The following GRM7 variants were observed in gnomAD, a reference collection of about 807,000 sequenced individuals.
GRM7 encodes metabotropic glutamate receptor 7.
A neutral mutation model predicts 84.5 loss-of-function variants in GRM7; 35 were observed. That is an observed-to-expected ratio of 0.41 (90% CI 0.32 to 0.55). The LOEUF is 0.55. GRM7 is among the 20% of genes least tolerant of loss of function. The probability of loss-of-function intolerance (pLI) is 0.19; values close to 1 mark genes in which losing one functional copy is unlikely to be tolerated. For missense variants in GRM7, 1,003 were observed against 1,194.6 expected (o/e 0.84, Z 2.36); for synonymous variants, 487 against 455.1 (o/e 1.07, Z -0.89).
intron 5 of GRM7, among the ~76,000 whole-genome samples, chr3:7,445,065 G>A (rs1697448667): frequency 6.6e-6 from 1 of 152,020 alleles, no homozygotes; most frequent in South Asian, 2.1e-4. Context: ...AGTTGTTCTG[G>A]GCGTTAACTT....
intron 1 of GRM7, among the ~76,000 whole-genome samples, chr3:6,970,473 T>A (rs1451921654): frequency 1.3e-5 from 2 of 152,378 alleles, no homozygotes; most frequent in Admixed American, 1.3e-4. Context: ...CACCTAGTTG[T>A]TGACTTTTTA....
At chr3:6,913,651 A>G (rs1342840409) in intron 1 of GRM7, among the ~76,000 whole-genome samples, 1 of 152,180 alleles carries the variant, frequency 6.6e-6, no homozygotes, top group African/African-American at 2.4e-5. Flanking sequence ...TTTTGGTTTC[A>G]TTCTTTATTC....
chr3:7,692,909 G>A lies in GRM7; in HGVS notation c.2698+12614G>A, dbSNP rs180768987. Among the ~76,000 whole-genome samples the A allele has an allele frequency of 2.8e-3, 425 of 151,750 alleles. 7 individuals carry two copies. The highest frequency in any genetic ancestry group is 0.021 in the Middle Eastern group (6 of 290). ...GCTAAAGATTAGATAGGTCCTCCAG[G>A]GTTTCAAGGAGGGAAACATAATCTA... On this transcript the variant is annotated intron_variant, in intron 9 of 9. Coordinates refer to ENST00000357716, the MANE Select transcript of GRM7 (RefSeq NM_000844.4).
At chr3:6,967,535 A>G (rs181388165) in intron 1 of GRM7, among the ~76,000 whole-genome samples, 8 of 152,292 alleles carry the variant, frequency 5.3e-5, no homozygotes, top group Admixed American at 1.3e-4. Context: ...GTTGTTTCAC[A>G]CAATATCTTC....
chr3:7,134,106 A>G (rs943257033), intron 1 of GRM7, among the ~76,000 whole-genome samples: 1 of 152,162 alleles, frequency 6.6e-6, no homozygotes, highest in Non-Finnish European at 1.5e-5. Flanking sequence ...TGGAATGTGC[A>G]ACTTTCATTT....
chr3:7,064,479 T>TATATATATACACAC, intron 1 of GRM7, among the ~76,000 whole-genome samples: 11 of 99,384 alleles, frequency 1.1e-4, no homozygotes, highest in African/African-American at 3.5e-4. Context: ...TATATATATA[T>TATATATATACACAC]ACACACATAT....
chr3:7,329,787 G>C (rs775996996), intron 4 of GRM7, among the ~76,000 whole-genome samples: 8 of 151,746 alleles, frequency 5.3e-5, no homozygotes, highest in Non-Finnish European at 1.0e-4. Context: ...TGTGAGTGGG[G>C]GTATATATGC....
intron 1 of GRM7, among the ~76,000 whole-genome samples, chr3:6,997,763 T>C (rs2014195): frequency 0.2 from 29,901 of 152,026 alleles, 3,596 homozygotes; most frequent in East Asian, 0.3. Context: ...CATTCCAGCA[T>C]TCGTCCAAAA....
intron 2 of GRM7, among the ~76,000 whole-genome samples, chr3:7,219,936 A>G (rs1227265709): frequency 6.6e-6 from 1 of 152,208 alleles, no homozygotes; most frequent in Non-Finnish European, 1.5e-5. Context: ...AGTATGTCAA[A>G]GGGATGCAGG....
intron 4 of GRM7, among the ~76,000 whole-genome samples, chr3:7,340,720 G>A (rs1263691345): frequency 6.6e-6 from 1 of 152,108 alleles, no homozygotes; most frequent in African/African-American, 2.4e-5. Context: ...AATCACTTTT[G>A]CCACTTTATT....
chr3:7,153,550 A>G (rs1415401611), intron 2 of GRM7, among the ~76,000 whole-genome samples: 1 of 152,178 alleles, frequency 6.6e-6, no homozygotes, highest in Non-Finnish European at 1.5e-5. Context: ...TAATGTGTTA[A>G]TGATACAAGT....
At position 6,862,978 on chromosome 3, in the gene GRM7, C is replaced by G. The variant is rs767721684; in HGVS notation, c.519+1071C>G. 1 of 456,436 alleles carries G rather than the reference C, an allele frequency of 2.2e-6. No homozygotes were observed. Among genetic ancestry groups the G allele is most frequent in the South Asian group, 1.6e-5 (1 of 64,498 alleles). The allele number at this position is 456,436 out of a possible 1,614,324, so 28.3% of individuals were successfully genotyped here. On this transcript the variant is annotated intron_variant, in intron 1 of 9. Coordinates refer to ENST00000357716, the MANE Select transcript of GRM7 (RefSeq NM_000844.4). This position sits in a 1 kb window ranked among gnomAD's most constrained non-coding sequence, Gnocchi z 5.2. ...CGCCTCCTGCTCCAGCAGCCTCTGC[C>G]CCATGGCTCCTGAGCTGCACTGGGT...
chr3:7,552,855 C>T (rs1183164952), intron 7 of GRM7, among the ~76,000 whole-genome samples: 1 of 152,196 alleles, frequency 6.6e-6, no homozygotes, highest in Non-Finnish European at 1.5e-5. Flanking sequence ...AAACATTTTC[C>T]ACATTGTCTT....
intron 4 of GRM7, among the ~76,000 whole-genome samples, chr3:7,391,380 TA>T (rs1191581968): frequency 6.6e-6 from 1 of 151,980 alleles, no homozygotes; most frequent in African/African-American, 2.4e-5. Context: ...TATGCAGCCA[TA>T]AAAAAGGATG....
At position 7,065,922 on chromosome 3, in the gene GRM7, A is replaced by G. The variant is rs76870956; in HGVS notation, c.520-80530A>G. Among the ~76,000 whole-genome samples, 180 of 152,004 alleles carry G rather than the reference A, an allele frequency of 1.2e-3. 1 individual carries two copies. Among genetic ancestry groups the G allele is most frequent in the African/African-American group, 4.0e-3 (168 of 41,514 alleles). On this transcript the variant is annotated intron_variant, in intron 1 of 9. Coordinates refer to ENST00000357716, the MANE Select transcript of GRM7 (RefSeq NM_000844.4). The stretch of plus-strand genomic sequence containing the variant: ...ACATGGAAATTAAATAACCTGCTGA[A>G]TGAGCACTGGGTCAAAAATGAAATC...
At chr3:7,464,953 G>T (rs1575377913) in intron 7 of GRM7, among the ~76,000 whole-genome samples, 1 of 152,038 alleles carries the variant, frequency 6.6e-6, no homozygotes, top group Non-Finnish European at 1.5e-5. Flanking sequence ...CCGAGATCAT[G>T]CCACTGCACT....
At chr3:7,084,132 A>C (rs1698363421) in intron 1 of GRM7, among the ~76,000 whole-genome samples, 1 of 152,154 alleles carries the variant, frequency 6.6e-6, no homozygotes, top group Non-Finnish European at 1.5e-5. Flanking sequence ...ATTTAAAGCA[A>C]ATCATTTGGG....
intron 7 of GRM7, among the ~76,000 whole-genome samples, chr3:7,525,700 C>T (rs893662423): frequency 1.3e-5 from 2 of 152,034 alleles, no homozygotes; most frequent in Non-Finnish European, 2.9e-5. Context: ...AGTCCTTTTT[C>T]TCCTCTCGTC....
chr3:7,667,454 A>G (rs1699750390), intron 8 of GRM7, among the ~76,000 whole-genome samples: 1 of 152,108 alleles, frequency 6.6e-6, no homozygotes, highest in African/African-American at 2.4e-5. Context: ...CCAACCACCA[A>G]CACACAAAAA....
Sources: allele counts gnomAD v4.1 joint callset (sites outside exome capture counted in the v4.1 genomes callset), GRCh38; gene constraint gnomAD v4.1.1; non-coding constraint Gnocchi (gnomAD v3.1); transcripts MANE v1.5; gene names NCBI Gene and HGNC (gene_info 2026-07-23, HGNC 2026-07-21).